The following ZNF687 variants were observed in gnomAD, a reference collection of about 807,000 sequenced individuals.
ZNF687 encodes zinc finger protein 687.
Under a neutral mutation model 71.8 loss-of-function variants are expected in ZNF687, and 13 were observed. The ratio of observed to expected loss-of-function variants is 0.18; its 90% CI spans 0.12 to 0.29. ZNF687 has a LOEUF of 0.29. Among genes scored for constraint, ZNF687 ranks in the 10% least tolerant of loss-of-function variants. The probability of loss-of-function intolerance (pLI) is 1.00; values close to 1 mark genes in which losing one functional copy is unlikely to be tolerated. For missense variants in ZNF687, 1,412 were observed against 1,625.6 expected (o/e 0.87, Z 2.26); for synonymous variants, 673 against 641.6 (o/e 1.05, Z -0.74).
intron 1 of ZNF687, chr1:151,283,446 C>T (rs1194967181): frequency 2.6e-6 from 1 of 387,122 alleles, no homozygotes; most frequent in African/African-American, 2.2e-5. Flanking sequence ...GCTCAGCAGT[C>T]GCAGGAAGGC....
intron 1 of ZNF687, chr1:151,283,032 G>T: frequency 2.4e-6 from 2 of 837,598 alleles, no homozygotes; most frequent in Non-Finnish European, 2.9e-6. Context: ...GTGTAGTCCT[G>T]GGTCCCCAGG....
rs1557769685 is a variant in ZNF687, at chr1:151,287,262, C to T, written c.971C>T (p.Ser324Phe). ...EDSNDSPASS[S>F]SRPLKVRIKT... ...AGCAATGACTCCCCTGCCTCCAGCTCCTCTAGGCCTCTTAAGGTGCGGATC... is the reference window on the plus strand; with the variant it reads ...AGCAATGACTCCCCTGCCTCCAGCTTCTCTAGGCCTCTTAAGGTGCGGATC... Residue 324 changes from serine to phenylalanine, a missense_variant, in exon 2 of 9, where the codon TCC (serine) becomes TTC (phenylalanine). By Grantham distance (155) the Ser-to-Phe change is radical (BLOSUM62 -2). Around this residue, in one of 8 missense-constraint regions of ZNF687, gnomAD observed 490 missense variants for 489.9 expected, o/e 1.00. Coordinates refer to ENST00000336715, the MANE Select transcript of ZNF687 (RefSeq NM_020832.3). This position sits in a 1 kb window ranked among gnomAD's most constrained non-coding sequence, Gnocchi z 5.0. 1 of 1,614,102 alleles carries T rather than the reference C, an allele frequency of 6.2e-7. No individual in the cohort carries two copies. The highest frequency in any genetic ancestry group is 8.5e-7 in the Non-Finnish European group (1 of 1,180,044).
chr1:151,289,617 G>C, intron 5 of ZNF687, 61 bp from the exon 6 acceptor site: 1 of 1,605,866 alleles, frequency 6.2e-7, no homozygotes, highest in Non-Finnish European at 8.5e-7. Flanking sequence ...TCAGAAGTGG[G>C]GGGCTTTGGC....
At chr1:151,284,522 C>A (rs587674235) in intron 1 of ZNF687, among the ~76,000 whole-genome samples, 1 of 152,220 alleles carries the variant, frequency 6.6e-6, no homozygotes, top group South Asian at 2.1e-4. Context: ...TTCCTTGAGT[C>A]CTTTTCTCCC....
At chr1:151,281,830 T>C, upstream of ZNF687, 1 of 370,888 alleles carries the variant, frequency 2.7e-6, no homozygotes, top group Non-Finnish European at 5.5e-6. Flanking sequence ...CCACTCCGAC[T>C]CAATGCGGTT....
Position 151,291,998 on chromosome 1 carries a change from A to G in ZNF687, c.*789A>G, listed in dbSNP as rs1694306859. 6.6e-6 allele frequency: 1 copy of G among 152,122 alleles called. No individual in the cohort carries two copies. Among genetic ancestry groups the G allele is most frequent in the South Asian group, 2.1e-4 (1 of 4,826 alleles). The allele number at this position is 152,122 out of a possible 1,614,324, so 9.4% of individuals were successfully genotyped here. A position where few individuals can be genotyped will look rare whatever the true frequency, so the allele number is the denominator to read the frequency against. On this transcript the variant is annotated 3_prime_UTR_variant, in exon 9 of 9. Transcript: ENST00000336715. Reference sequence around the variant, plus strand: ...CCGCCCTTCTCAGGGAAGAGGTGGTAGTGACCAAGACAGGCAGGGAAAAAG... The same window carrying G: ...CCGCCCTTCTCAGGGAAGAGGTGGTGGTGACCAAGACAGGCAGGGAAAAAG...
chr1:151,291,783 A>G lies in ZNF687; in HGVS notation c.*574A>G, dbSNP rs375988197. On this transcript the variant is annotated 3_prime_UTR_variant, in exon 9 of 9. Transcript: ENST00000336715. ...AGGGATGAGTCCTGTCAAGGGGGCC[A>G]CAGGAGAGGAGGGGACAGGCTCTCA... 1 of 152,500 alleles carries G rather than the reference A, an allele frequency of 6.6e-6. No homozygotes were observed. Among genetic ancestry groups the G allele is most frequent in the East Asian group, 1.9e-4 (1 of 5,186 alleles). The allele number at this position is 152,500 out of a possible 1,614,324, so 9.4% of individuals were successfully genotyped here.
Position 151,289,365 on chromosome 1 carries a change from G to T in ZNF687, c.2472-13G>T, listed in dbSNP as rs764451837. ...CCCAACCCTGCCTGATGTCTGCACT[G>T]TCCTCACTTCAGGCTGATCTACAAG... On this transcript the variant is annotated splice_polypyrimidine_tract_variant and intron_variant, in intron 4 of 8. Transcript: ENST00000336715. 1.9e-6 allele frequency: 3 copies of T among 1,614,008 alleles called. No individual in the cohort carries two copies. The African/African-American group carries it at 4.0e-5, about 22-fold the overall frequency.
Position 151,287,924 on chromosome 1 carries a change from G to A in ZNF687, c.1633G>A (p.Glu545Lys). Residue 545 changes from glutamate (E) to lysine (K), a missense_variant, in exon 2 of 9, where the codon GAG becomes AAG. By Grantham distance (56) the Glu-to-Lys change is moderately conservative (BLOSUM62 1). Coordinates refer to ENST00000336715, the MANE Select transcript of ZNF687 (RefSeq NM_020832.3). This position sits in a 1 kb window ranked among gnomAD's most constrained non-coding sequence, Gnocchi z 5.0. The part of the protein sequence containing the change: ...CLECGDAFSL[E>K]KSLARHYDRR... ...GGAGTGTGGGGATGCCTTCTCATTGGAGAAGAGCCTGGCACGGCACTATGA... is the reference window on the plus strand; with the variant it reads ...GGAGTGTGGGGATGCCTTCTCATTGAAGAAGAGCCTGGCACGGCACTATGA... 6.2e-7 allele frequency: 1 copy of A among 1,613,732 alleles called. No homozygotes were observed. Among genetic ancestry groups the A allele is most frequent in the Non-Finnish European group, 8.5e-7 (1 of 1,179,976 alleles).
rs772301180 is a variant in ZNF687, at chr1:151,287,776, C to T, written c.1485C>T (p.Ser495=). 3.1e-6 allele frequency: 5 copies of T among 1,614,034 alleles called. No homozygotes were observed. Among genetic ancestry groups the T allele is most frequent in the Middle Eastern group, 1.6e-4 (1 of 6,084 alleles). ...GCACAGTGATATCACGGACCCAGTC[C>T]AGCCTGGTGGAGGCCTTCAACAAGA... ...GGGTVISRTQ[S]SLVEAFNKIL... The change falls in exon 2 of 9, where the codon TCC becomes TCT. Residue 495 remains serine, a synonymous_variant. Transcript: ENST00000336715. This position sits in a 1 kb window ranked among gnomAD's most constrained non-coding sequence, Gnocchi z 5.0.
chr1:151,290,692 C>G lies in ZNF687; in HGVS notation c.3220-23C>G, dbSNP rs748369918. ...GGACAGTAGGGGTGGTGGTAAGGCCCAGTTTCTTCCACTTTTCTTCAGGGG... is the reference window on the plus strand; with the variant it reads ...GGACAGTAGGGGTGGTGGTAAGGCCGAGTTTCTTCCACTTTTCTTCAGGGG... On this transcript the variant is annotated intron_variant, in intron 8 of 8. Coordinates refer to ENST00000336715, the MANE Select transcript of ZNF687 (RefSeq NM_020832.3). 3 of 1,585,962 alleles carry G rather than the reference C, an allele frequency of 1.9e-6. No individual in the cohort carries two copies. In the Admixed American group the frequency reaches 5.3e-5, roughly 28 times the overall value.
chr1:151,290,365 C>T, intron 7 of ZNF687, 67 bp from the exon 8 acceptor site: 2 of 1,612,882 alleles, frequency 1.2e-6, no homozygotes, highest in Non-Finnish European at 8.5e-7. Flanking sequence ...GCAGCCCCCT[C>T]CTCAGAAGCA....
chr1:151,287,288 A>G lies in ZNF687; in HGVS notation c.997A>G (p.Lys333Glu). Residue 333 changes from lysine to glutamate, a missense_variant, in exon 2 of 9, where the codon AAG becomes GAG. Around this residue, in one of 8 missense-constraint regions of ZNF687, gnomAD observed 490 missense variants for 489.9 expected, o/e 1.00. Transcript: ENST00000336715. The surrounding 1 kb of genome is among the most constrained non-coding windows in gnomAD (Gnocchi z 5.0). ...CTCTAGGCCTCTTAAGGTGCGGATC[A>G]AGACCATTAAAACATCCTGCGGGAA... ...SSSRPLKVRI[K>E]TIKTSCGNIT... is the part of the protein sequence containing the mutation. 1 of 1,614,200 alleles carries G rather than the reference A, an allele frequency of 6.2e-7. No individual in the cohort carries two copies. The highest frequency in any genetic ancestry group is 8.5e-7 in the Non-Finnish European group (1 of 1,180,032).
rs141449018 is a variant in ZNF687, at chr1:151,291,125, C to T, written c.3630C>T (p.Asp1210=). 6 of 1,613,248 alleles carry T rather than the reference C, an allele frequency of 3.7e-6. No homozygotes were observed. In the African/African-American group the frequency reaches 5.3e-5, roughly 14 times the overall value. The change falls in exon 9 of 9, where the codon GAC becomes GAT. Residue 1210 remains aspartate, a synonymous_variant. Transcript: ENST00000336715. ...GTAAGGTCTGTGGCAAGAGCTGCGA[C>T]AGCCCTCTAAACCTCAAGACCCACT... ...LTCKVCGKSC[D]SPLNLKTHFR... is the part of the protein sequence containing the mutation.
chr1:151,286,629 C>T lies in ZNF687; in HGVS notation c.338C>T (p.Thr113Ile). 3.1e-6 allele frequency: 5 copies of T among 1,614,176 alleles called. No homozygotes were observed. The highest frequency in any genetic ancestry group is 4.2e-6 in the Non-Finnish European group (5 of 1,180,026). Reference sequence around the variant, plus strand: ...GACGGGGCCCAGGCTGCTGGGGTAACTAAAGAAGGGCCTGTGGGGCCTCAT... The same window carrying T: ...GACGGGGCCCAGGCTGCTGGGGTAATTAAAGAAGGGCCTGTGGGGCCTCAT... ...AGDGAQAAGVTKEGPVGPHRM... is the reference protein window; with the variant it reads ...AGDGAQAAGVIKEGPVGPHRM... The change falls in exon 2 of 9, where the codon ACT becomes ATT. Residue 113 changes from threonine (T) to isoleucine (I), a missense_variant. By Grantham distance (89) the Thr-to-Ile change is moderately conservative (BLOSUM62 -1). This residue lies in a region of ZNF687 where 490 missense variants were observed against 489.9 expected (regional missense o/e 1.00). Coordinates refer to ENST00000336715, the MANE Select transcript of ZNF687 (RefSeq NM_020832.3).
chr1:151,283,193 G>C, intron 1 of ZNF687: 1 of 985,424 alleles, frequency 1.0e-6, no homozygotes, highest in South Asian at 4.7e-5. Context: ...CCCAGGACTT[G>C]CTCCCCGCGC....
At chr1:151,283,928 A>T in intron 1 of ZNF687, 1 of 985,350 alleles carries the variant, frequency 1.0e-6, no homozygotes, top group Non-Finnish European at 1.2e-6. Flanking sequence ...CAGGGAATGG[A>T]TAGGGATAGA....
Position 151,291,417 on chromosome 1 carries a change from C to T in ZNF687, c.*208C>T, listed in dbSNP as rs947146420. ...GGCCCTGGAGTCCTAGTAGAGTGGA[C>T]CCTCCATTCCTCCTTTCTGAGCCCA... On this transcript the variant is annotated 3_prime_UTR_variant, in exon 9 of 9. Coordinates refer to ENST00000336715, the MANE Select transcript of ZNF687 (RefSeq NM_020832.3). 6 of 586,112 alleles carry T rather than the reference C, an allele frequency of 1.0e-5. No individual in the cohort carries two copies. The highest frequency in any genetic ancestry group is 5.6e-5 in the African/African-American group (3 of 53,424). The allele number at this position is 586,112 out of a possible 1,614,324, so 36.3% of individuals were successfully genotyped here.
At chr1:151,289,035 C>T (rs1373655075) in intron 3 of ZNF687, 60 bp from the exon 4 acceptor site, 28 of 1,553,528 alleles carry the variant, frequency 1.8e-5, no homozygotes, top group Non-Finnish European at 2.4e-5. Context: ...AATGTATGGT[C>T]CCGGGGTGGG....
Sources: gnomAD v4.1 joint callset for allele counts (sites outside exome capture counted in the v4.1 genomes callset) on GRCh38, gnomAD v4.1.1 for gene constraint, gnomAD v4.1.1 regional missense constraint, Gnocchi (gnomAD v3.1) non-coding constraint, MANE v1.5 for transcripts, NCBI Gene and HGNC (gene_info 2026-07-23, HGNC 2026-07-21) for gene names.